Variants in APLP2 observed in about 807,000 individuals in gnomAD.
APLP2 encodes the protein amyloid beta precursor like protein 2, also known as CDEI box-binding protein.
APLP2 carries 53 observed loss-of-function variants against 89.9 expected under a neutral mutation model. The observed-to-expected ratio is 0.59, with a 90% CI of 0.47 to 0.74. The LOEUF (loss-of-function observed/expected upper bound fraction) is 0.74. Ranked by LOEUF, APLP2 falls within the 30% of genes least tolerant of loss-of-function variation. APLP2 has a pLI of 0.00. For synonymous variants in APLP2, 372 were observed against 348.6 expected, an observed-to-expected ratio of 1.07 and a Z score of -0.75; for missense variants, 973 against 975.9, an observed-to-expected ratio of 1.00 and a Z score of 0.04.
At chr11:130,088,739 T>C (rs1180188813) in intron 1 of APLP2, among the ~76,000 whole-genome samples, 1 of 151,744 alleles carries the variant, frequency 6.6e-6, no homozygotes, top group Non-Finnish European at 1.5e-5. Context: ...ATTTGTGTCC[T>C]TTTTTTTCTT....
At chr11:130,124,706 C>G (rs182812373) in intron 7 of APLP2, among the ~76,000 whole-genome samples, 1 of 152,180 alleles carries the variant, frequency 6.6e-6, no homozygotes, top group Non-Finnish European at 1.5e-5. Flanking sequence ...CTTCCTTCTA[C>G]CAAAAGATCT....
At chr11:130,127,874 C>G in intron 9 of APLP2, 34 bp downstream of exon 9, 1 of 1,588,212 alleles carries the variant, frequency 6.3e-7, no homozygotes. Flanking sequence ...TAGCTTTCAG[C>G]CTGACCATTG....
chr11:130,142,927 A>G (rs1171768133), intron 16 of APLP2, among the ~76,000 whole-genome samples: 6 of 152,100 alleles, frequency 3.9e-5, no homozygotes. Context: ...ACTTGGTTTT[A>G]TCTCCTGCTG....
intron 1 of APLP2, among the ~76,000 whole-genome samples, chr11:130,081,111 C>CA (rs1306282313): frequency 6.6e-6 from 1 of 151,964 alleles, no homozygotes; most frequent in Non-Finnish European, 1.5e-5. Context: ...CAAACCCCCC[C>CA]AAAAACAAAA....
Position 130,129,057 on chromosome 11 carries a change from GC to G in APLP2, c.1308del (p.Met437TrpfsTer5). On this transcript the variant is annotated frameshift_variant, in exon 10 of 17. Coordinates refer to ENST00000338167, the MANE Select transcript of APLP2 (RefSeq NM_001142276.2). LOFTEE classifies it high-confidence loss of function. Reference sequence around the variant, plus strand: ...TGCTTTCTTGGTTTAGCACTTCCAAGCCATGGTTAAAGCTTTAGAGAAGGAA... The same window carrying G: ...TGCTTTCTTGGTTTAGCACTTCCAAGCATGGTTAAAGCTTTAGAGAAGGAA... ...ERQTLIQHFQAMVKALEKEAA... is the reference protein window; with the variant it reads ...ERQTLIQHFQXMVKALEKEAA... The G allele has an allele frequency of 6.2e-7, 1 of 1,613,606 alleles. No individual in the cohort carries two copies. Among genetic ancestry groups the G allele is most frequent in the Non-Finnish European group, 8.5e-7 (1 of 1,179,678 alleles).
chr11:130,084,348 T>G (rs1462798358), intron 1 of APLP2, among the ~76,000 whole-genome samples: 4 of 152,260 alleles, frequency 2.6e-5, no homozygotes, highest in South Asian at 2.1e-4. Context: ...TTGTATGTGT[T>G]AAACCATTCT....
Position 130,121,820 on chromosome 11 carries a change from CT to C in APLP2, c.713+11del, listed in dbSNP as rs763248768. On this transcript the variant is annotated intron_variant, in intron 5 of 16. Coordinates refer to ENST00000338167, the MANE Select transcript of APLP2 (RefSeq NM_001142276.2). ...ATGATGTTTATAAAAGGTAACTCTTCTACTTTGAACTGTGAAGTCGTTTTGC... is the reference window on the plus strand; with the variant it reads ...ATGATGTTTATAAAAGGTAACTCTTCACTTTGAACTGTGAAGTCGTTTTGC... 2.2e-5 allele frequency: 35 copies of C among 1,605,202 alleles called. No individual in the cohort carries two copies. The South Asian group carries it at 3.6e-4, about 17-fold the overall frequency.
intron 1 of APLP2, among the ~76,000 whole-genome samples, chr11:130,075,671 C>T (rs536309407): frequency 4.9e-4 from 75 of 152,286 alleles, no homozygotes; most frequent in African/African-American, 1.6e-3. Flanking sequence ...CTAACAGTCT[C>T]GTGAATTTGG....
At chr11:130,097,802 T>A (rs1246701998) in intron 1 of APLP2, among the ~76,000 whole-genome samples, 1 of 152,240 alleles carries the variant, frequency 6.6e-6, no homozygotes, top group Non-Finnish European at 1.5e-5. Context: ...TTGGTTAATA[T>A]TACAGAAGAA....
intron 1 of APLP2, among the ~76,000 whole-genome samples, chr11:130,084,650 A>T (rs1446217125): frequency 1.3e-5 from 2 of 152,188 alleles, no homozygotes; most frequent in African/African-American, 2.4e-5. Flanking sequence ...AAAACACAAC[A>T]TACCAAAACC....
In APLP2 at chr11:130,070,058, C is replaced by T; in HGVS notation, c.81C>T (p.Ala27=). The T allele has an allele frequency of 6.7e-7, 1 of 1,494,414 alleles. No individual in the cohort carries two copies. The highest frequency in any genetic ancestry group is 8.8e-7 in the Non-Finnish European group (1 of 1,130,550). The allele number at this position is 1,494,414 out of a possible 1,614,324, so 92.6% of individuals were successfully genotyped here. Residue 27 remains alanine (A), a synonymous_variant, in exon 1 of 17, where the codon GCC becomes GCT. Transcript: ENST00000338167. ...LLLLVGLTAP[A]LALAGYIEAL... ...TGCTGGTGGGGCTCACGGCGCCTGC[C>T]TTGGCGCTGGCCGGCTACATCGAGG...
intron 3 of APLP2, among the ~76,000 whole-genome samples, chr11:130,114,952 GTT>G: frequency 6.6e-6 from 1 of 152,210 alleles, no homozygotes; most frequent in South Asian, 2.1e-4. Flanking sequence ...TAGCCTTTGA[GTT>G]CATGACAGCC....
intron 1 of APLP2, among the ~76,000 whole-genome samples, chr11:130,108,203 A>G (rs1304271950): frequency 6.6e-6 from 1 of 152,266 alleles, no homozygotes; most frequent in Non-Finnish European, 1.5e-5. Context: ...ACCAAAGCCA[A>G]AATTGACAAA....
At chr11:130,073,041 CTG>C (rs1484788262) in intron 1 of APLP2, among the ~76,000 whole-genome samples, 2 of 152,080 alleles carry the variant, frequency 1.3e-5, no homozygotes, top group African/African-American at 4.8e-5. Context: ...AAACTTTTAA[CTG>C]AAATAATTTG....
At chr11:130,111,053 A>T (rs1480998993) in intron 3 of APLP2, among the ~76,000 whole-genome samples, 1 of 152,078 alleles carries the variant, frequency 6.6e-6, no homozygotes, top group African/African-American at 2.4e-5. Context: ...GCACCATTTG[A>T]CCAAATTTCT....
chr11:130,106,003 G>A (rs1442042699), intron 1 of APLP2, among the ~76,000 whole-genome samples: 5 of 152,100 alleles, frequency 3.3e-5, no homozygotes, highest in African/African-American at 4.8e-5. Context: ...ACGCCCGGCC[G>A]ATGCCTGTGC....
At chr11:130,074,826 CAAAG>C (rs1368741511) in intron 1 of APLP2, among the ~76,000 whole-genome samples, 1 of 152,074 alleles carries the variant, frequency 6.6e-6, no homozygotes, top group Non-Finnish European at 1.5e-5. Flanking sequence ...ATGAACTACT[CAAAG>C]AAAATAATGT....
chr11:130,090,025 A>G (rs903372445), intron 1 of APLP2, among the ~76,000 whole-genome samples: 3 of 152,214 alleles, frequency 2.0e-5, no homozygotes, highest in East Asian at 1.9e-4. Flanking sequence ...TATAAGACCC[A>G]GTGGCTAGTG....
intron 1 of APLP2, among the ~76,000 whole-genome samples, chr11:130,092,693 A>G: frequency 1.4e-5 from 1 of 69,674 alleles, no homozygotes; most frequent in African/African-American, 1.0e-4. Context: ...CATGAGAGGG[A>G]GACCGTGGGG....
Sources: allele counts gnomAD v4.1 joint callset (sites outside exome capture counted in the v4.1 genomes callset), GRCh38; gene constraint gnomAD v4.1.1; transcripts MANE v1.5; gene names NCBI Gene and HGNC (gene_info 2026-07-23, HGNC 2026-07-21).